The following ATP8B4 variants were observed in gnomAD, a reference collection of about 807,000 sequenced individuals.
ATP8B4 encodes the protein probable phospholipid-transporting ATPase IM.
A neutral mutation model predicts 145.6 loss-of-function variants in ATP8B4; 133 were observed. The observed-to-expected ratio is 0.91, with a 90% confidence interval of 0.79 to 1.05. The LOEUF (loss-of-function observed/expected upper bound fraction) is 1.05. Ranked by LOEUF, ATP8B4 falls within the 50% of genes least tolerant of loss-of-function variation. The probability of loss-of-function intolerance (pLI) is 0.00; values close to 1 mark genes in which losing one functional copy is unlikely to be tolerated. For synonymous variants in ATP8B4, 507 were observed against 492.9 expected, an observed-to-expected ratio of 1.03 and a Z score of -0.38; for missense variants, 1,458 against 1,425.2, an observed-to-expected ratio of 1.02 and a Z score of -0.37.
At chr15:50,074,660 C>T (rs2054064272) in intron 2 of ATP8B4, among the ~76,000 whole-genome samples, 2 of 152,082 alleles carry the variant, frequency 1.3e-5, no homozygotes, top group Non-Finnish European at 2.9e-5. Context: ...TGTAAGCAGC[C>T]CAGGCATATT....
chr15:50,043,741 C>T (rs2051492904), intron 5 of ATP8B4, among the ~76,000 whole-genome samples: 1 of 151,730 alleles, frequency 6.6e-6, no homozygotes, highest in Non-Finnish European at 1.5e-5. Context: ...ATCATGAGGT[C>T]AGGAGATCGA....
chr15:50,008,861 A>G (rs926745063), intron 7 of ATP8B4, among the ~76,000 whole-genome samples: 2 of 152,292 alleles, frequency 1.3e-5, no homozygotes, highest in South Asian at 2.1e-4. Context: ...GGCTCCTAAC[A>G]CTCATTGTTT....
At chr15:49,882,980 G>A (rs994112129) in intron 23 of ATP8B4, among the ~76,000 whole-genome samples, 10 of 152,170 alleles carry the variant, frequency 6.6e-5, no homozygotes, top group Non-Finnish European at 1.3e-4. Context: ...TTATAGCCCA[G>A]TGAGATTTCA....
At chr15:50,107,849 C>G (rs915891096) in intron 1 of ATP8B4, among the ~76,000 whole-genome samples, 2 of 152,044 alleles carry the variant, frequency 1.3e-5, no homozygotes, top group African/African-American at 4.8e-5. Flanking sequence ...ACACTTATGG[C>G]TTAGTAGTTA....
intron 20 of ATP8B4, among the ~76,000 whole-genome samples, chr15:49,906,905 A>AT (rs2038687381): frequency 6.6e-6 from 1 of 152,206 alleles, no homozygotes; most frequent in African/African-American, 2.4e-5. Context: ...TTGGTAGTGG[A>AT]TGAAGGAACC....
chr15:49,990,975 C>T (rs373141249), intron 9 of ATP8B4, among the ~76,000 whole-genome samples: 16 of 152,232 alleles, frequency 1.1e-4, no homozygotes, highest in African/African-American at 2.9e-4. Context: ...TTTTCTAAAG[C>T]TTCTTTACTC....
chr15:50,114,061 T>G (rs2153673564), intron 1 of ATP8B4, among the ~76,000 whole-genome samples: 1 of 143,596 alleles, frequency 7.0e-6, no homozygotes, highest in Admixed American at 6.9e-5. Flanking sequence ...CTTCGTCCTC[T>G]CACATATCCC....
rs1414239201 is a variant in ATP8B4, at chr15:49,916,964, T to C, written c.2111A>G (p.Asn704Ser). 6.2e-7 allele frequency: 1 copy of C among 1,613,970 alleles called. No homozygotes were observed. The highest frequency in any genetic ancestry group is 1.7e-5 in the Admixed American group (1 of 60,026). Residue 704 changes from asparagine to serine, a missense_variant, in exon 20 of 28, where the codon AAT (asparagine) becomes AGT (serine). Asn to Ser is a conservative substitution (Grantham distance 46). Coordinates refer to ENST00000284509, the MANE Select transcript of ATP8B4 (RefSeq NM_024837.4). ...TTCTTCTCTCACTTCCACAGCATTA[T>C]TCCCTGCTATCACAAACACATCATT... ...DMNDVFVIAG[N>S]NAVEVREELR...
intron 3 of ATP8B4, among the ~76,000 whole-genome samples, chr15:50,052,532 G>C (rs2052268268): frequency 6.6e-6 from 1 of 152,224 alleles, no homozygotes; most frequent in Admixed American, 6.5e-5. Flanking sequence ...GCTTCCAAGA[G>C]GGAGAAGGGC....
chr15:50,002,106 T>C, intron 8 of ATP8B4, 47 bp downstream of exon 8: 1 of 1,460,722 alleles, frequency 6.8e-7, no homozygotes, highest in African/African-American at 1.4e-5. Context: ...ACATTACTTT[T>C]AAATAAATTA....
intron 14 of ATP8B4, among the ~76,000 whole-genome samples, chr15:49,950,590 T>TAAAAAAAAAAAAAAAAA (rs766902500): frequency 8.6e-5 from 4 of 46,314 alleles, no homozygotes; most frequent in African/African-American, 1.7e-4. Flanking sequence ...ATGTATTAAC[T>TAAAAAAAAAAAAAAAAA]AAAAAAAAAA....
chr15:49,936,793 T>C (rs2041771885), intron 14 of ATP8B4, among the ~76,000 whole-genome samples: 1 of 152,138 alleles, frequency 6.6e-6, no homozygotes, highest in Non-Finnish European at 1.5e-5. Context: ...AAATTTTGGA[T>C]CTGCCAGTTG....
intron 1 of ATP8B4, among the ~76,000 whole-genome samples, chr15:50,150,283 G>A (rs2044331534): frequency 6.6e-6 from 1 of 152,110 alleles, no homozygotes; most frequent in South Asian, 2.1e-4. Flanking sequence ...GTTTTGCAGA[G>A]TCTTTTGTGA....
At chr15:49,866,296 A>G (rs2032778939) in intron 26 of ATP8B4, 50 bp downstream of exon 26, 1 of 1,580,688 alleles carries the variant, frequency 6.3e-7, no homozygotes, top group African/African-American at 1.4e-5. Context: ...TTATAAGACA[A>G]GTAAACAGCA....
At chr15:49,940,941 G>A (rs1375851300) in intron 14 of ATP8B4, among the ~76,000 whole-genome samples, 1 of 152,138 alleles carries the variant, frequency 6.6e-6, no homozygotes, top group Non-Finnish European at 1.5e-5. Context: ...GAGACATAGA[G>A]AGAAAGACAG....
At chr15:50,150,243 G>A (rs1340681097) in intron 1 of ATP8B4, among the ~76,000 whole-genome samples, 1 of 152,146 alleles carries the variant, frequency 6.6e-6, no homozygotes, top group African/African-American at 2.4e-5. Flanking sequence ...TTTTGCAAAA[G>A]GCTGTGATGG....
At position 49,918,900 on chromosome 15, in the gene ATP8B4, T is replaced by C; in HGVS notation, c.1974A>G (p.Glu658=). 6.2e-7 allele frequency: 1 copy of C among 1,613,870 alleles called. No homozygotes were observed. Among genetic ancestry groups the C allele is most frequent in the Non-Finnish European group, 8.5e-7 (1 of 1,179,826 alleles). ...VEDKLQEGVI[E]TVTSLSLANI... ...TGGCTAGTGATAAACTTGTAACTGT[T>C]TCAATAACACCCTCCTGTAACTTAT... Residue 658 remains glutamate (E), a synonymous_variant, in exon 19 of 28, where the codon GAA becomes GAG. Coordinates refer to ENST00000284509, the MANE Select transcript of ATP8B4 (RefSeq NM_024837.4).
At chr15:50,157,303 A>G (rs1041713514) in intron 1 of ATP8B4, among the ~76,000 whole-genome samples, 43 of 152,210 alleles carry the variant, frequency 2.8e-4, no homozygotes, top group African/African-American at 1.0e-3. Flanking sequence ...GCTTCTATCA[A>G]AAAGAGAGAG....
intron 5 of ATP8B4, among the ~76,000 whole-genome samples, chr15:50,042,578 T>C (rs1194973698): frequency 6.6e-6 from 1 of 152,228 alleles, no homozygotes; most frequent in East Asian, 1.9e-4. Flanking sequence ...TTGGTTCTTT[T>C]AAATTATGAA....
Sources: gnomAD v4.1 joint callset for allele counts (sites outside exome capture counted in the v4.1 genomes callset) on GRCh38, gnomAD v4.1.1 for gene constraint, MANE v1.5 for transcripts, NCBI Gene and HGNC (gene_info 2026-07-23, HGNC 2026-07-21) for gene names.